The following ZNF804B variants were observed in gnomAD, a reference collection of about 807,000 sequenced individuals.
ZNF804B encodes the protein zinc finger protein 804B, also known as zinc finger 804B.
In ZNF804B, 80 loss-of-function variants were observed where a neutral mutation model predicts 101.4. That is an observed-to-expected ratio of 0.79 (90% CI 0.66 to 0.95). The LOEUF is 0.95. ZNF804B is among the 40% of genes least tolerant of loss of function. The pLI, the probability that ZNF804B is intolerant of heterozygous loss-of-function variation, is 0.00. For synonymous variants in ZNF804B, 622 were observed against 558.8 expected (o/e 1.11, Z -1.59); for missense variants, 1,673 against 1,561.9 (o/e 1.07, Z -1.20).
chr7:89,317,541 C>G (rs749123311), intron 2 of ZNF804B, among the ~76,000 whole-genome samples: 59 of 152,292 alleles, frequency 3.9e-4, no homozygotes, highest in Non-Finnish European at 6.3e-4. Context: ...GAGGAATATT[C>G]TAAGACAAAG....
At chr7:88,933,725 G>A (rs1027364433) in intron 1 of ZNF804B, among the ~76,000 whole-genome samples, 13 of 151,320 alleles carry the variant, frequency 8.6e-5, no homozygotes, top group African/African-American at 2.7e-4. Flanking sequence ...AGATCTTTAC[G>A]ATGAAAACTA....
intron 2 of ZNF804B, among the ~76,000 whole-genome samples, chr7:89,318,971 T>C (rs38958): frequency 0.11 from 16,899 of 152,206 alleles, 952 homozygotes; most frequent in Non-Finnish European, 0.12. Context: ...CTATAAGTAT[T>C]CCTTAAGGGA....
At chr7:89,091,185 G>A (rs1281810940) in intron 1 of ZNF804B, among the ~76,000 whole-genome samples, 1 of 151,556 alleles carries the variant, frequency 6.6e-6, no homozygotes, top group Non-Finnish European at 1.5e-5. Context: ...CATGAGTTTA[G>A]GGATGCTAAT....
intron 1 of ZNF804B, among the ~76,000 whole-genome samples, chr7:89,077,429 C>A (rs73391239): frequency 6.6e-6 from 1 of 151,804 alleles, no homozygotes; most frequent in South Asian, 2.1e-4. Context: ...TTTTTAACAG[C>A]CTTAATTACA....
At chr7:88,872,898 T>C (rs1426108435) in intron 1 of ZNF804B, among the ~76,000 whole-genome samples, 1 of 151,670 alleles carries the variant, frequency 6.6e-6, no homozygotes, top group Non-Finnish European at 1.5e-5. Context: ...GTTCCAAGTC[T>C]TTGCTATTGT....
intron 1 of ZNF804B, among the ~76,000 whole-genome samples, chr7:88,880,453 C>G (rs552691815): frequency 6.6e-6 from 1 of 152,122 alleles, no homozygotes; most frequent in Non-Finnish European, 1.5e-5. Context: ...TGGTTATAAT[C>G]TTTTGTCTAA....
At chr7:88,908,739 A>G (rs904204753) in intron 1 of ZNF804B, among the ~76,000 whole-genome samples, 3 of 151,860 alleles carry the variant, frequency 2.0e-5, no homozygotes, top group Non-Finnish European at 4.4e-5. Flanking sequence ...GACTATTTTT[A>G]AAGATTTATT....
At chr7:89,055,166 G>A (rs928327467) in intron 1 of ZNF804B, among the ~76,000 whole-genome samples, 5 of 152,212 alleles carry the variant, frequency 3.3e-5, no homozygotes, top group African/African-American at 7.2e-5. Flanking sequence ...AAGAAAGTTC[G>A]GTTATGGGGA....
At chr7:88,966,705 C>T (rs1288199678) in intron 1 of ZNF804B, among the ~76,000 whole-genome samples, 2 of 151,104 alleles carry the variant, frequency 1.3e-5, no homozygotes, top group Non-Finnish European at 3.0e-5. Flanking sequence ...AGGGTAGTCT[C>T]CATGACTTTT....
intron 2 of ZNF804B, among the ~76,000 whole-genome samples, chr7:89,262,436 G>C (rs182433530): frequency 6.6e-6 from 1 of 152,248 alleles, no homozygotes; most frequent in African/African-American, 2.4e-5. Flanking sequence ...ATGACCATGG[G>C]TAAGTTAATT....
intron 1 of ZNF804B, among the ~76,000 whole-genome samples, chr7:88,873,700 C>G (rs371045490): frequency 6.6e-6 from 1 of 152,074 alleles, no homozygotes; most frequent in Non-Finnish European, 1.5e-5. Context: ...CGAGCCAGTT[C>G]TCCCAGCACC....
At chr7:89,247,314 C>A (rs1789464235) in intron 2 of ZNF804B, among the ~76,000 whole-genome samples, 1 of 152,170 alleles carries the variant, frequency 6.6e-6, no homozygotes, top group Non-Finnish European at 1.5e-5. Context: ...GTGCACTCCA[C>A]AAATCAGGCC....
intron 1 of ZNF804B, among the ~76,000 whole-genome samples, chr7:89,056,543 C>T (rs1584099130): frequency 6.6e-6 from 1 of 152,108 alleles, no homozygotes; most frequent in Admixed American, 6.6e-5. Context: ...CTCCTGCCTC[C>T]AGTCCTAGAT....
intron 1 of ZNF804B, among the ~76,000 whole-genome samples, chr7:88,785,578 G>T (rs1175749969): frequency 1.3e-5 from 2 of 152,040 alleles, no homozygotes; most frequent in African/African-American, 4.8e-5. Flanking sequence ...ATTAAGATAA[G>T]GTCATGATAC....
intron 1 of ZNF804B, among the ~76,000 whole-genome samples, chr7:89,192,304 C>T (rs1280426680): frequency 6.6e-6 from 1 of 151,952 alleles, no homozygotes; most frequent in African/African-American, 2.4e-5. Context: ...CCGCTTCTTT[C>T]CCTTCCACCC....
At chr7:89,271,441 T>C (rs1279048487) in intron 2 of ZNF804B, among the ~76,000 whole-genome samples, 2 of 152,154 alleles carry the variant, frequency 1.3e-5, no homozygotes, top group Non-Finnish European at 2.9e-5. Flanking sequence ...TGGATAAGCT[T>C]TTTGATATGT....
chr7:88,973,491 C>A (rs1047288486), intron 1 of ZNF804B, among the ~76,000 whole-genome samples: 20 of 151,210 alleles, frequency 1.3e-4, no homozygotes, highest in Admixed American at 4.0e-4. Flanking sequence ...AACCTGGAAA[C>A]ATACTTAACT....
At chr7:89,105,362 A>T (rs964137477) in intron 1 of ZNF804B, among the ~76,000 whole-genome samples, 1 of 152,066 alleles carries the variant, frequency 6.6e-6, no homozygotes, top group Non-Finnish European at 1.5e-5. Flanking sequence ...TGGGAGTCAG[A>T]TTTATCTCTA....
intron 1 of ZNF804B, among the ~76,000 whole-genome samples, chr7:89,099,391 C>T (rs539677387): frequency 2.0e-4 from 31 of 152,122 alleles, no homozygotes; most frequent in Non-Finnish European, 4.0e-4. Flanking sequence ...TAGAAGTCCA[C>T]ATGTTTCACA....
Sources: gnomAD v4.1 joint callset for allele counts (sites outside exome capture counted in the v4.1 genomes callset) on GRCh38, gnomAD v4.1.1 for gene constraint, MANE v1.5 for transcripts, NCBI Gene and HGNC (gene_info 2026-07-23, HGNC 2026-07-21) for gene names.